The following BCORL1 variants were observed in gnomAD, a reference collection of about 807,000 sequenced individuals.
The protein encoded by BCORL1 is BCL-6 corepressor-like protein 1.
A neutral mutation model predicts 87.6 loss-of-function variants in BCORL1; 7 were observed. The ratio of observed to expected loss-of-function variants is 0.08; its 90% CI spans 0.05 to 0.15. The LOEUF is 0.15. Among genes scored for constraint, BCORL1 ranks in the 10% least tolerant of loss-of-function variants. The pLI, the probability that BCORL1 is intolerant of heterozygous loss-of-function variation, is 1.00. For synonymous variants in BCORL1, 591 were observed against 634.4 expected (o/e 0.93, Z 1.03); for missense variants, 1,215 against 1,499.7 (o/e 0.81, Z 3.13).
intron 1 of BCORL1, among the ~76,000 whole-genome samples, chrX:129,996,483 G>A (rs894077028): frequency 9.0e-6 from 1 of 111,296 alleles, no homozygotes; most frequent in Admixed American, 9.6e-5. Context: ...TAAATGGGTA[G>A]GTTTCATGCT....
chrX:130,054,774 G>A (rs1220602839), intron 13 of BCORL1, among the ~76,000 whole-genome samples: 1 of 110,834 alleles, frequency 9.0e-6, no homozygotes, highest in Non-Finnish European at 1.9e-5. Flanking sequence ...AGCCAGGCGT[G>A]GTCGTGGGTG....
At chrX:129,997,794 C>CAAA (rs1229437098) in intron 1 of BCORL1, among the ~76,000 whole-genome samples, 13 of 28,956 alleles carry the variant, frequency 4.5e-4, no homozygotes, top group East Asian at 1.0e-3. Context: ...TCCGACTCAC[C>CAAA]AAAAAAAAAA....
chrX:130,019,033 C>G (rs1160199406), intron 4 of BCORL1, among the ~76,000 whole-genome samples: 1 of 112,310 alleles, frequency 8.9e-6, no homozygotes, highest in Non-Finnish European at 1.9e-5. Flanking sequence ...AGAGAGAGTT[C>G]TGCTTCATTT....
At chrX:130,002,217 C>T (rs980264941) in intron 1 of BCORL1, among the ~76,000 whole-genome samples, 3 of 109,697 alleles carry the variant, frequency 2.7e-5, no homozygotes, top group African/African-American at 1.0e-4. Flanking sequence ...TGGTTTGAGA[C>T]ACATTGAGTT....
rs748122399 is a variant in BCORL1, at chrX:130,015,180, C to T, written c.2408C>T (p.Ser803Phe). ...CCAGGGTGCCAAACCAAGGAACTCT[C>T]TTTGTGGAAACCCACGGGGCCGGCA... ...GLPGCQTKEL[S>F]LWKPTGPANI... The change falls in exon 4 of 14, where the codon TCT (serine) becomes TTT (phenylalanine). Residue 803 changes from serine to phenylalanine, a missense_variant. Physicochemically the swap from Ser to Phe is radical, Grantham distance 155. Transcript: ENST00000540052. 11 of 1,212,360 alleles carry T rather than the reference C, an allele frequency of 9.1e-6. No homozygotes were observed. The highest frequency in any genetic ancestry group is 1.2e-5 in the Non-Finnish European group (11 of 895,652).
At chrX:130,040,767 A>C (rs751928004) in intron 11 of BCORL1, among the ~76,000 whole-genome samples, 1 of 112,362 alleles carries the variant, frequency 8.9e-6, no homozygotes, top group African/African-American at 3.2e-5. Context: ...TACTGTGTAC[A>C]CATGCACTCT....
intron 7 of BCORL1, among the ~76,000 whole-genome samples, chrX:130,027,320 A>G (rs1185557226): frequency 1.8e-5 from 2 of 112,994 alleles, no homozygotes; most frequent in Admixed American, 9.3e-5. Context: ...ATTAGAGACC[A>G]TGTAGTACAG....
At chrX:129,997,651 G>C (rs1282291893) in intron 1 of BCORL1, among the ~76,000 whole-genome samples, 1 of 108,330 alleles carries the variant, frequency 9.2e-6, no homozygotes, top group South Asian at 4.1e-4. Context: ...AATTAGCCGG[G>C]CATGGTGGCC....
In BCORL1 at chrX:130,025,309, G is replaced by T. The variant is rs1187104407; in HGVS notation, c.4008G>T (p.Lys1336Asn). Residue 1336 changes from lysine (K) to asparagine (N), a missense_variant, in exon 7 of 14, where the codon AAG becomes AAT. Lys to Asn is a moderately conservative substitution (Grantham distance 94). Around this residue, in one of 5 missense-constraint regions of BCORL1, gnomAD observed 166 missense variants for 196.5 expected, o/e 0.84. Transcript: ENST00000540052. ...AGAGGAAGAAACGAAGACGGCAGAA[G>T]AGCCGAAAATATCAGACTGGGGAGT... ...LLKRKKRRRQ[K>N]SRKYQTGEYL... 1 of 1,193,720 alleles carries T rather than the reference G, an allele frequency of 8.4e-7. No individual in the cohort carries two copies. The highest frequency in any genetic ancestry group is 1.1e-6 in the Non-Finnish European group (1 of 888,241).
intron 13 of BCORL1, among the ~76,000 whole-genome samples, chrX:130,052,896 C>T (rs1026967444): frequency 8.9e-6 from 1 of 112,546 alleles, no homozygotes; most frequent in Non-Finnish European, 1.9e-5. Flanking sequence ...AATTTCAGCA[C>T]TTTGGGAGGC....
chrX:130,003,500 G>A (rs770388189), intron 1 of BCORL1, among the ~76,000 whole-genome samples: 17 of 109,662 alleles, frequency 1.6e-4, no homozygotes, highest in Non-Finnish European at 3.0e-4. Context: ...AGCCTCCTGA[G>A]TATCTGGGAT....
intron 4 of BCORL1, among the ~76,000 whole-genome samples, chrX:130,020,553 A>T (rs1053398861): frequency 8.9e-6 from 1 of 112,084 alleles, no homozygotes; most frequent in Non-Finnish European, 1.9e-5. Flanking sequence ...ACTGAGAATT[A>T]TTTTCAGTTG....
chrX:130,011,154 G>A (rs1044978992), intron 2 of BCORL1, among the ~76,000 whole-genome samples: 3 of 109,827 alleles, frequency 2.7e-5, no homozygotes, highest in Non-Finnish European at 5.7e-5. Context: ...GTCTATGTTG[G>A]GGTTTTATTC....
At chrX:130,008,264 A>G (rs1328620801) in intron 2 of BCORL1, among the ~76,000 whole-genome samples, 3 of 94,256 alleles carry the variant, frequency 3.2e-5, no homozygotes, top group Non-Finnish European at 6.4e-5. Context: ...TTAAGAGGAC[A>G]TTTTTTTTTT....
intron 11 of BCORL1, among the ~76,000 whole-genome samples, chrX:130,043,189 G>A (rs1931456908): frequency 9.2e-6 from 1 of 108,723 alleles, no homozygotes; most frequent in African/African-American, 3.4e-5. Context: ...GCACCACTGT[G>A]CCTGGCTAAT....
intron 1 of BCORL1, among the ~76,000 whole-genome samples, chrX:129,992,552 C>A (rs891945483): frequency 2.7e-5 from 3 of 112,237 alleles, no homozygotes; most frequent in Non-Finnish European, 5.6e-5. Flanking sequence ...GAACCCATAG[C>A]TGAGTCTGTT....
intron 1 of BCORL1, among the ~76,000 whole-genome samples, chrX:130,001,486 G>A (rs141075664): frequency 0.025 from 2,751 of 111,902 alleles, 71 homozygotes; most frequent in African/African-American, 0.085. Flanking sequence ...AAGAACCAGT[G>A]CTGTGGAAGA....
At chrX:130,021,853 T>C (rs911247600) in intron 5 of BCORL1, among the ~76,000 whole-genome samples, 77 of 111,136 alleles carry the variant, frequency 6.9e-4, no homozygotes, top group Non-Finnish European at 8.7e-4. Flanking sequence ...AGTGGCACAA[T>C]ATCGGTTCAC....
At chrX:129,998,277 GATT>G (rs1436387250) in intron 1 of BCORL1, among the ~76,000 whole-genome samples, 1 of 107,095 alleles carries the variant, frequency 9.3e-6, no homozygotes, top group Non-Finnish European at 1.9e-5. Context: ...GGTCATTTGG[GATT>G]ACCAGGTTTC....
Sources: allele counts gnomAD v4.1 joint callset (sites outside exome capture counted in the v4.1 genomes callset), GRCh38; gene constraint gnomAD v4.1.1; regional missense constraint gnomAD v4.1.1; transcripts MANE v1.5; gene names NCBI Gene and HGNC (gene_info 2026-07-23, HGNC 2026-07-21).